MARCHF1: variants seen among roughly 807,000 people sequenced by gnomAD.
MARCHF1 encodes membrane associated ring-CH-type finger 1, also known as E3 ubiquitin-protein ligase MARCHF1.
In MARCHF1, 40 loss-of-function variants were observed where a neutral mutation model predicts 54.2. That is an observed-to-expected ratio of 0.74 (90% CI 0.57 to 0.96). MARCHF1 has a LOEUF of 0.96. Ranked by LOEUF, MARCHF1 falls within the 40% of genes least tolerant of loss-of-function variation. The pLI is 0.00. For synonymous variants in MARCHF1, 236 were observed against 236.3 expected, an observed-to-expected ratio of 1.00 and a Z score of 0.01; for missense variants, 586 against 656.5, an observed-to-expected ratio of 0.89 and a Z score of 1.17.
In MARCHF1 at chr4:164,085,783, C is replaced by T. The variant is rs114794458; in HGVS notation, c.-248+25805G>A. Among the ~76,000 whole-genome samples, 487 of 151,792 alleles carry T rather than the reference C, an allele frequency of 3.2e-3. 3 individuals are homozygous for T. The highest frequency in any genetic ancestry group is 0.011 in the African/African-American group (456 of 41,498). ...CAATATGTGTGCAACAATTGTGTAG[C>T]GGAATTTTACTATCTTGGTGCATAA... is the stretch of plus-strand genomic sequence containing the variant. On this transcript the variant is annotated intron_variant, in intron 2 of 9. Transcript: ENST00000514618.
At chr4:164,078,557 A>G (rs1446493983) in intron 2 of MARCHF1, among the ~76,000 whole-genome samples, 2 of 152,114 alleles carry the variant, frequency 1.3e-5, no homozygotes, top group African/African-American at 4.8e-5. Flanking sequence ...AAAAAAGAAC[A>G]ACTATGTTTG....
intron 1 of MARCHF1, among the ~76,000 whole-genome samples, chr4:164,350,711 T>C (rs371176248): frequency 1.1e-4 from 16 of 152,218 alleles, no homozygotes; most frequent in East Asian, 5.8e-4. Flanking sequence ...CAATGTTACC[T>C]TTCCTTATTT....
intron 5 of MARCHF1, among the ~76,000 whole-genome samples, chr4:163,648,631 T>TAAAAAAA (rs1742850048): frequency 1.2e-5 from 1 of 82,430 alleles, no homozygotes. Flanking sequence ...AAAAAAAAAC[T>TAAAAAAA]AGAGAGGAAA....
rs150772745 is a variant in MARCHF1, at chr4:163,954,066, G to A, written c.-39+34435C>T. ...AAAAATGGCTGCAACTTAACAATAG[G>A]TTGTGTACAGTAAGCTCAGAATAGA... is the stretch of plus-strand genomic sequence containing the variant. On this transcript the variant is annotated intron_variant, in intron 3 of 9. Transcript: ENST00000514618. 6.3e-3 allele frequency among the ~76,000 whole-genome samples: 952 copies of A among 152,232 alleles called. 9 individuals carry two copies. The highest frequency in any genetic ancestry group is 0.022 in the African/African-American group (908 of 41,536).
intron 1 of MARCHF1, among the ~76,000 whole-genome samples, chr4:164,132,836 T>G (rs1168618614): frequency 3.3e-5 from 5 of 152,140 alleles, no homozygotes; most frequent in Admixed American, 1.3e-4. Flanking sequence ...TATGTATATT[T>G]ATTTATAAAT....
In MARCHF1 at chr4:163,768,435, G is replaced by T. The variant is rs140553485; in HGVS notation, c.112-67572C>A. 3.3e-3 allele frequency among the ~76,000 whole-genome samples: 506 copies of T among 152,244 alleles called. 3 individuals carry two copies. Among genetic ancestry groups the T allele is most frequent in the African/African-American group, 0.011 (475 of 41,558 alleles). On this transcript the variant is annotated intron_variant, in intron 4 of 9. Transcript: ENST00000514618. The stretch of plus-strand genomic sequence containing the variant: ...CAAAGTTATGAGCATATTAAAAATA[G>T]AATTTAAATTAGTTAGAAAGACATG...
At chr4:164,268,688 G>A (rs1294424737) in intron 1 of MARCHF1, among the ~76,000 whole-genome samples, 2 of 152,106 alleles carry the variant, frequency 1.3e-5, no homozygotes, top group African/African-American at 2.4e-5. Context: ...TACATAGGAT[G>A]TCTTCTGTTT....
intron 1 of MARCHF1, among the ~76,000 whole-genome samples, chr4:164,162,981 CT>C (rs1427679727): frequency 1.3e-5 from 2 of 152,104 alleles, no homozygotes; most frequent in African/African-American, 4.8e-5. Context: ...ACACAATCTT[CT>C]GTCTCCTGCA....
chr4:164,215,424 GT>G (rs1731902549), intron 1 of MARCHF1, among the ~76,000 whole-genome samples: 2 of 152,068 alleles, frequency 1.3e-5, no homozygotes, highest in East Asian at 3.9e-4. Flanking sequence ...GGGTCTTGGG[GT>G]TTTTATAGGC....
At chr4:163,999,394 G>T (rs1753142959) in intron 2 of MARCHF1, among the ~76,000 whole-genome samples, 1 of 151,480 alleles carries the variant, frequency 6.6e-6, no homozygotes, top group African/African-American at 2.4e-5. Flanking sequence ...TTGCAAAAAA[G>T]ATGGATATTA....
At chr4:164,104,728 C>G (rs1294860413) in intron 2 of MARCHF1, among the ~76,000 whole-genome samples, 3 of 12,914 alleles carry the variant, frequency 2.3e-4, no homozygotes, top group African/African-American at 5.1e-4. Flanking sequence ...CCCTCTCTCA[C>G]CACTCCTATT....
Position 163,585,736 on chromosome 4 carries a change from A to ATGGATAC in MARCHF1, c.1191+6_1191+12dup. The ATGGATAC allele has an allele frequency of 6.5e-7, 1 of 1,547,938 alleles. No individual in the cohort carries two copies. Among genetic ancestry groups the ATGGATAC allele is most frequent in the African/African-American group, 1.4e-5 (1 of 72,920 alleles). ...AATGGTCCCTCCCAAACCAATTCCT[A>ATGGATAC]TGGATACTGTACCTTCCGGAGGGGT... On this transcript the variant is annotated intron_variant, in intron 8 of 9. Transcript: ENST00000514618.
At chr4:163,624,391 C>A (rs1741796905) in intron 5 of MARCHF1, among the ~76,000 whole-genome samples, 1 of 152,312 alleles carries the variant, frequency 6.6e-6, no homozygotes. Context: ...AGATTCTGCT[C>A]AGTCAAGCCC....
chr4:163,849,339 T>C (rs1749578281), intron 4 of MARCHF1, among the ~76,000 whole-genome samples: 1 of 133,012 alleles, frequency 7.5e-6, no homozygotes, highest in Admixed American at 8.0e-5. Flanking sequence ...AGAAAAGTTC[T>C]TGGAACATAA....
At chr4:163,604,133 G>GA (rs1741067562) in intron 7 of MARCHF1, among the ~76,000 whole-genome samples, 1 of 152,012 alleles carries the variant, frequency 6.6e-6, no homozygotes, top group African/African-American at 2.4e-5. Flanking sequence ...TCCCATGGGG[G>GA]ATCTTGACAA....
chr4:163,801,782 CTT>C (rs771235008), intron 4 of MARCHF1, among the ~76,000 whole-genome samples: 49 of 152,026 alleles, frequency 3.2e-4, no homozygotes, highest in Non-Finnish European at 6.0e-4. Context: ...AATAAACACA[CTT>C]TGTGTATCTG....
At chr4:164,162,359 T>C (rs574914105) in intron 1 of MARCHF1, among the ~76,000 whole-genome samples, 27 of 152,136 alleles carry the variant, frequency 1.8e-4, no homozygotes, top group African/African-American at 6.0e-4. Context: ...TTAAGTGTCA[T>C]AGAAGATCCA....
At chr4:164,047,436 T>A (rs940546290) in intron 2 of MARCHF1, among the ~76,000 whole-genome samples, 4 of 152,284 alleles carry the variant, frequency 2.6e-5, no homozygotes, top group South Asian at 2.1e-4. Flanking sequence ...CAAATCCACA[T>A]GGACTTCTGA....
At chr4:163,545,557 T>C in intron 9 of MARCHF1, 39 bp downstream of exon 9, 1 of 1,594,078 alleles carries the variant, frequency 6.3e-7, no homozygotes, top group Non-Finnish European at 8.6e-7. Flanking sequence ...AGTATTGTCT[T>C]TAGGATCCAA....
Sources: gnomAD v4.1 joint callset for allele counts (sites outside exome capture counted in the v4.1 genomes callset) on GRCh38, gnomAD v4.1.1 for gene constraint, MANE v1.5 for transcripts, NCBI Gene and HGNC (gene_info 2026-07-23, HGNC 2026-07-21) for gene names.